HHAT: variants seen among roughly 807,000 people sequenced by gnomAD.
The protein encoded by HHAT is protein-cysteine N-palmitoyltransferase HHAT.
Under a neutral mutation model 70.8 loss-of-function variants are expected in HHAT, and 47 were observed. The observed-to-expected ratio is 0.66, with a 90% CI of 0.53 to 0.85. HHAT has a LOEUF of 0.85. Ranked by LOEUF, HHAT falls within the 40% of genes least tolerant of loss-of-function variation. The pLI, the probability that HHAT is intolerant of heterozygous loss-of-function variation, is 0.00. For missense variants in HHAT, 609 were observed against 604.8 expected, an observed-to-expected ratio of 1.01 and a Z score of -0.07; for synonymous variants, 228 against 247.6, an observed-to-expected ratio of 0.92 and a Z score of 0.74.
chr1:210,336,310 T>TTTTTTTTTTTTTTA (rs2085492279), intron 1 of HHAT, among the ~76,000 whole-genome samples: 2 of 134,338 alleles, frequency 1.5e-5, no homozygotes, highest in South Asian at 5.0e-4. Context: ...TTTTTTTTTT[T>TTTTTTTTTTTTTTA]AGAGACAGGG....
intron 11 of HHAT, among the ~76,000 whole-genome samples, chr1:210,645,434 C>A (rs1268240289): frequency 2.0e-5 from 3 of 152,186 alleles, no homozygotes; most frequent in Admixed American, 1.3e-4. Flanking sequence ...CCTACCACCA[C>A]ACCTTGCTAA....
At chr1:210,451,069 A>G (rs2093745919) in intron 7 of HHAT, among the ~76,000 whole-genome samples, 1 of 146,306 alleles carries the variant, frequency 6.8e-6, no homozygotes, top group African/African-American at 2.6e-5. Context: ...CCTGGGCAAC[A>G]GAGCGAGACT....
At chr1:210,534,090 C>G (rs1218969392) in intron 9 of HHAT, among the ~76,000 whole-genome samples, 9 of 152,168 alleles carry the variant, frequency 5.9e-5, no homozygotes. Flanking sequence ...GGCTAGCTGC[C>G]ATGCACTGGG....
chr1:210,411,265 G>T (rs2092543715), intron 6 of HHAT, among the ~76,000 whole-genome samples: 1 of 152,168 alleles, frequency 6.6e-6, no homozygotes, highest in Non-Finnish European at 1.5e-5. Context: ...ACCAAATGCT[G>T]CTTGGAGGCC....
At chr1:210,504,902 CTTTTTTTTT>C (rs71571952) in intron 8 of HHAT, among the ~76,000 whole-genome samples, 1 of 124,536 alleles carries the variant, frequency 8.0e-6, no homozygotes, top group Non-Finnish European at 1.6e-5. Context: ...GCTTTTTATT[CTTTTTTTTT>C]TTTTTTTTTG....
At chr1:210,379,757 A>G (rs554730101) in intron 3 of HHAT, among the ~76,000 whole-genome samples, 21 of 152,338 alleles carry the variant, frequency 1.4e-4, no homozygotes, top group African/African-American at 4.8e-4. Context: ...ACAAACAAGG[A>G]CATAATACTT....
At chr1:210,601,495 A>G (rs1011865705) in intron 10 of HHAT, among the ~76,000 whole-genome samples, 6 of 152,078 alleles carry the variant, frequency 3.9e-5, no homozygotes, top group Non-Finnish European at 7.4e-5. Flanking sequence ...GACATAAGCC[A>G]TTTTCTCCAG....
chr1:210,532,418 C>T lies in HHAT; in HGVS notation c.1043+19230C>T, dbSNP rs563269730. On this transcript the variant is annotated intron_variant, in intron 9 of 11. Coordinates refer to ENST00000261458, the MANE Select transcript of HHAT (RefSeq NM_018194.6). The stretch of plus-strand genomic sequence containing the variant: ...CTGATGCTTCAGAGGCCCAAGATTC[C>T]AGTCCTGGCTTTTCCATTTATTTCA... Among the ~76,000 whole-genome samples the T allele has an allele frequency of 2.6e-5, 4 of 152,310 alleles. No homozygotes were observed. The South Asian group carries it at 6.2e-4, about 24-fold the overall frequency.
intron 8 of HHAT, among the ~76,000 whole-genome samples, chr1:210,503,071 T>C (rs2094790034): frequency 6.6e-6 from 1 of 152,138 alleles, no homozygotes; most frequent in South Asian, 2.1e-4. Context: ...GTGATTCTCA[T>C]GCCTCAGCCT....
chr1:210,660,864 G>A (rs1316195226), intron 11 of HHAT, among the ~76,000 whole-genome samples: 1 of 152,172 alleles, frequency 6.6e-6, no homozygotes, highest in Admixed American at 6.5e-5. Flanking sequence ...CCAGCCATAT[G>A]TAGAAAGCTG....
chr1:210,475,331 C>T (rs985728588), intron 8 of HHAT, among the ~76,000 whole-genome samples: 3 of 152,182 alleles, frequency 2.0e-5, no homozygotes, highest in South Asian at 2.1e-4. Context: ...TCTCTTCTTG[C>T]ACAGGGGTTG....
intron 2 of HHAT, among the ~76,000 whole-genome samples, chr1:210,353,536 C>T (rs1413099582): frequency 2.1e-5 from 3 of 144,316 alleles, no homozygotes; most frequent in African/African-American, 7.8e-5. Context: ...TTTATTTCTT[C>T]TTGTACCCAT....
rs1405745418 is a variant in HHAT at position 210,580,513 on chromosome 1, C to T, written c.1044-7385C>T. 4.5e-5 allele frequency among the ~76,000 whole-genome samples: 6 copies of T among 132,162 alleles called. No individual in the cohort carries two copies. The East Asian group carries it at 1.4e-3, about 30-fold the overall frequency. The allele number at this position is 132,162 out of a possible 152,430, so 86.7% of individuals were successfully genotyped here. A position where few individuals can be genotyped will look rare whatever the true frequency, so the allele number is the denominator to read the frequency against. On this transcript the variant is annotated intron_variant, in intron 9 of 11. Transcript: ENST00000261458. ...CCCACCCCCCACCCCCCAGCAGGCC[C>T]TGGTGTGTGTTGTTCCCCTGTCTGT...
chr1:210,404,497 C>A lies in HHAT; in HGVS notation c.502C>A (p.Leu168Met). 1 of 1,612,878 alleles carries A rather than the reference C, an allele frequency of 6.2e-7. No individual in the cohort carries two copies. The highest frequency in any genetic ancestry group is 2.2e-5 in the East Asian group (1 of 44,884). Residue 168 changes from leucine (L) to methionine (M), a missense_variant, in exon 6 of 12, where the codon CTG (leucine) becomes ATG (methionine). Leu to Met is a conservative substitution (Grantham distance 15, BLOSUM62 2). Transcript: ENST00000261458. ...GTACAAGACAGAAAACGAGTACTAC[C>A]TGCTGCAGTTCACGCTGACCGTTCG... Reference protein sequence around the residue: ...RWYKTENEYYLLQFTLTVRCL... With the variant: ...RWYKTENEYYMLQFTLTVRCL...
intron 4 of HHAT, among the ~76,000 whole-genome samples, chr1:210,388,345 A>C (rs142409405): frequency 4.0e-4 from 61 of 152,342 alleles, no homozygotes; most frequent in African/African-American, 1.4e-3. Context: ...AGGTGATAAA[A>C]CTGAAGTAGA....
intron 2 of HHAT, among the ~76,000 whole-genome samples, chr1:210,358,778 A>T (rs1571859995): frequency 6.6e-6 from 1 of 151,994 alleles, no homozygotes; most frequent in South Asian, 2.1e-4. Context: ...GTGTGTGTGT[A>T]TGTGTTTTCT....
intron 9 of HHAT, among the ~76,000 whole-genome samples, chr1:210,571,430 C>T (rs1353953916): frequency 6.6e-6 from 1 of 152,160 alleles, no homozygotes; most frequent in African/African-American, 2.4e-5. Context: ...GAAGGCAGGA[C>T]CATGGTGTGG....
At chr1:210,628,048 T>C (rs890341726) in intron 11 of HHAT, among the ~76,000 whole-genome samples, 2 of 152,202 alleles carry the variant, frequency 1.3e-5, no homozygotes, top group African/African-American at 4.8e-5. Context: ...AGCAGCTGAA[T>C]AGAGCTCTGT....
chr1:210,472,741 G>C (rs529930404), intron 8 of HHAT, among the ~76,000 whole-genome samples: 60 of 152,266 alleles, frequency 3.9e-4, no homozygotes, highest in African/African-American at 1.3e-3. Flanking sequence ...TTATAGCTTG[G>C]TTTTATACCT....
Sources: gnomAD v4.1 joint callset for allele counts (sites outside exome capture counted in the v4.1 genomes callset) on GRCh38, gnomAD v4.1.1 for gene constraint, MANE v1.5 for transcripts, NCBI Gene and HGNC (gene_info 2026-07-23, HGNC 2026-07-21) for gene names.